Variants in TMEM132C observed in about 807,000 individuals in gnomAD.
TMEM132C encodes the protein protein phosphatase 1, regulatory subunit 152.
TMEM132C carries 29 observed loss-of-function variants against 61.4 expected under a neutral mutation model. The observed-to-expected ratio is 0.47, with a 90% CI of 0.35 to 0.64. TMEM132C has a LOEUF of 0.64. TMEM132C is among the 30% of genes least tolerant of loss of function. The pLI, the probability that TMEM132C is intolerant of heterozygous loss-of-function variation, is 0.00. For synonymous variants in TMEM132C, 656 were observed against 633.1 expected (o/e 1.04, Z -0.54); for missense variants, 1,408 against 1,476.9 (o/e 0.95, Z 0.76).
chr12:128,599,478 G>T (rs1179309522), intron 3 of TMEM132C, among the ~76,000 whole-genome samples: 1 of 152,214 alleles, frequency 6.6e-6, no homozygotes, highest in Non-Finnish European at 1.5e-5. Context: ...CTCCGGAGGA[G>T]ACGGTTGCCT....
At chr12:128,347,052 A>G (rs1473005183) in intron 1 of TMEM132C, among the ~76,000 whole-genome samples, 3 of 152,136 alleles carry the variant, frequency 2.0e-5, no homozygotes, top group Non-Finnish European at 4.4e-5. Flanking sequence ...TGTACCCAAT[A>G]TGTAGTCTTT....
chr12:128,302,015 G>A (rs1871615642), intron 1 of TMEM132C, among the ~76,000 whole-genome samples: 2 of 152,292 alleles, frequency 1.3e-5, no homozygotes, highest in Admixed American at 1.3e-4. Context: ...AGCTGCCTCT[G>A]TGATTCAGTT....
At chr12:128,529,656 C>T (rs2136134382) in intron 2 of TMEM132C, among the ~76,000 whole-genome samples, 1 of 152,224 alleles carries the variant, frequency 6.6e-6, no homozygotes, top group Admixed American at 6.5e-5. Context: ...CATGATGATG[C>T]ACCCCTGTAA....
chr12:128,598,419 G>C (rs749301894), intron 3 of TMEM132C, among the ~76,000 whole-genome samples: 1 of 152,126 alleles, frequency 6.6e-6, no homozygotes, highest in Non-Finnish European at 1.5e-5. Flanking sequence ...CAGAGCAACA[G>C]AGTGAGACAT....
chr12:128,626,642 A>G (rs1954020620), intron 4 of TMEM132C, among the ~76,000 whole-genome samples: 1 of 151,720 alleles, frequency 6.6e-6, no homozygotes, highest in South Asian at 2.1e-4. Context: ...ACAAGGTTTC[A>G]CCGTGTTGGC....
chr12:128,473,287 C>T (rs868746764), intron 2 of TMEM132C, among the ~76,000 whole-genome samples: 1 of 152,160 alleles, frequency 6.6e-6, no homozygotes, highest in African/African-American at 2.4e-5. Context: ...CATCTTCTCT[C>T]CAGCCTCCGT....
intron 3 of TMEM132C, among the ~76,000 whole-genome samples, chr12:128,565,544 G>A (rs780080569): frequency 3.3e-5 from 5 of 152,186 alleles, no homozygotes; most frequent in Non-Finnish European, 5.9e-5. Flanking sequence ...AGTTCTTCAT[G>A]TCTTTATGGA....
chr12:128,529,433 A>G (rs1453374531), intron 2 of TMEM132C, among the ~76,000 whole-genome samples: 2 of 152,206 alleles, frequency 1.3e-5, no homozygotes, highest in East Asian at 3.9e-4. Context: ...TAGTATTTCA[A>G]AAAATACCAA....
intron 1 of TMEM132C, among the ~76,000 whole-genome samples, chr12:128,392,786 TAAAAA>T (rs9300287): frequency 7.8e-5 from 11 of 141,802 alleles, no homozygotes; most frequent in Non-Finnish European, 1.4e-4. Context: ...GCTGATGAGC[TAAAAA>T]AAAAAAAAAA....
At chr12:128,654,209 C>A (rs760638333) in intron 4 of TMEM132C, among the ~76,000 whole-genome samples, 2 of 152,150 alleles carry the variant, frequency 1.3e-5, no homozygotes, top group African/African-American at 2.4e-5. Context: ...GGCTGCTAAT[C>A]CAATGACTGG....
chr12:128,336,636 T>C lies in TMEM132C; in HGVS notation c.85+69149T>C, dbSNP rs146318629. 5.3e-5 allele frequency among the ~76,000 whole-genome samples: 8 copies of C among 152,312 alleles called. No individual in the cohort carries two copies. In the East Asian group the frequency reaches 1.4e-3, roughly 26 times the overall value. On this transcript the variant is annotated intron_variant, in intron 1 of 8. Transcript: ENST00000435159. Reference sequence around the variant, plus strand: ...TATGCACAGGAATGAACTAAGCCAATAGTGATGAGAAACCATCTTGGTTAG... The same window carrying C: ...TATGCACAGGAATGAACTAAGCCAACAGTGATGAGAAACCATCTTGGTTAG...
intron 2 of TMEM132C, among the ~76,000 whole-genome samples, chr12:128,497,053 C>T (rs914044719): frequency 6.6e-6 from 1 of 151,850 alleles, no homozygotes; most frequent in Non-Finnish European, 1.5e-5. Flanking sequence ...TTCTAACAGT[C>T]AGGACCCTTA....
At chr12:128,544,227 C>A in intron 3 of TMEM132C, 124 bp downstream of exon 3, 1 of 1,341,028 alleles carries the variant, frequency 7.5e-7, no homozygotes, top group Non-Finnish European at 9.8e-7. Context: ...GAACCCACCA[C>A]GTGGAAATCT....
chr12:128,365,214 C>G (rs867476935), intron 1 of TMEM132C, among the ~76,000 whole-genome samples: 4 of 152,130 alleles, frequency 2.6e-5, no homozygotes, highest in African/African-American at 9.7e-5. Context: ...TGATCAAAGC[C>G]AAGTTGTTTG....
At chr12:128,550,250 G>A (rs1188815116) in intron 3 of TMEM132C, among the ~76,000 whole-genome samples, 6 of 151,980 alleles carry the variant, frequency 3.9e-5, no homozygotes, top group African/African-American at 1.5e-4. Flanking sequence ...GGCATCTTGT[G>A]TCCTCAGAGG....
chr12:128,515,760 G>A (rs975650341), intron 2 of TMEM132C, among the ~76,000 whole-genome samples: 13 of 152,060 alleles, frequency 8.5e-5, no homozygotes, highest in Admixed American at 5.2e-4. Context: ...GCGTGAACCC[G>A]GGAGGCGGAG....
intron 3 of TMEM132C, among the ~76,000 whole-genome samples, chr12:128,561,153 G>T (rs1477842551): frequency 1.3e-5 from 2 of 152,232 alleles, no homozygotes; most frequent in Non-Finnish European, 2.9e-5. Context: ...TATTCTTCAT[G>T]CAGTGAGGGA....
chr12:128,696,009 T>C lies in TMEM132C; in HGVS notation c.1835T>C (p.Val612Ala). ...TGGCAGTTCGACATCACTCACCTGG[T>C]GGCAGACTTCATGAAGCTGGAGGAA... ...PNWQFDITHL[V>A]ADFMKLEEPH... The change falls in exon 7 of 9, where the codon GTG becomes GCG. Residue 612 changes from valine to alanine, a missense_variant. Val to Ala is a moderately conservative substitution (Grantham distance 64, BLOSUM62 0). Coordinates refer to ENST00000435159, the MANE Select transcript of TMEM132C (RefSeq NM_001136103.3). The C allele has an allele frequency of 6.4e-7, 1 of 1,551,736 alleles. No individual in the cohort carries two copies. The highest frequency in any genetic ancestry group is 8.7e-7 in the Non-Finnish European group (1 of 1,146,998).
chr12:128,400,556 G>T, intron 1 of TMEM132C, among the ~76,000 whole-genome samples: 1 of 151,436 alleles, frequency 6.6e-6, no homozygotes, highest in Admixed American at 6.6e-5. Context: ...GCCTCTGACT[G>T]CCCGCTAGAT....
Sources: gnomAD v4.1 joint callset for allele counts (sites outside exome capture counted in the v4.1 genomes callset) on GRCh38, gnomAD v4.1.1 for gene constraint, MANE v1.5 for transcripts, NCBI Gene and HGNC (gene_info 2026-07-23, HGNC 2026-07-21) for gene names.